Variants in CEP85L observed in about 807,000 individuals in gnomAD.
The protein encoded by CEP85L is centrosomal protein of 85 kDa-like.
A neutral mutation model predicts 100.3 loss-of-function variants in CEP85L; 60 were observed. The ratio of observed to expected loss-of-function variants is 0.60; its 90% CI spans 0.49 to 0.74. CEP85L has a LOEUF of 0.74. Among genes scored for constraint, CEP85L ranks in the 30% least tolerant of loss-of-function variants. CEP85L has a pLI of 0.00. For synonymous variants in CEP85L, 319 were observed against 322.7 expected (o/e 0.99, Z 0.12); for missense variants, 973 against 936.2 (o/e 1.04, Z -0.51).
At chr6:118,534,379 G>A (rs1018940498) in intron 3 of CEP85L, among the ~76,000 whole-genome samples, 1 of 152,140 alleles carries the variant, frequency 6.6e-6, no homozygotes, top group Non-Finnish European at 1.5e-5. Context: ...CTGGCCAGGT[G>A]CGGTGGCTCA....
At chr6:118,514,607 G>T (rs1776161829) in intron 4 of CEP85L, among the ~76,000 whole-genome samples, 1 of 151,744 alleles carries the variant, frequency 6.6e-6, no homozygotes, top group South Asian at 2.1e-4. Context: ...CATGTAAATG[G>T]TTTAGATACT....
chr6:118,618,059 G>C (rs899561875), intron 2 of CEP85L, among the ~76,000 whole-genome samples: 1 of 152,124 alleles, frequency 6.6e-6, no homozygotes, highest in African/African-American at 2.4e-5. Flanking sequence ...CCAGTTTTAA[G>C]TCTTTCACTT....
intron 1 of CEP85L, among the ~76,000 whole-genome samples, chr6:118,633,033 T>G (rs944463005): frequency 6.6e-6 from 1 of 152,240 alleles, no homozygotes; most frequent in South Asian, 2.1e-4. Context: ...AAATAGGATA[T>G]CCACATGGAA....
At chr6:118,604,619 A>C (rs555216432) in intron 2 of CEP85L, among the ~76,000 whole-genome samples, 1 of 152,358 alleles carries the variant, frequency 6.6e-6, no homozygotes, top group African/African-American at 2.4e-5. Flanking sequence ...GTTAGTAAGC[A>C]ATTTTAATTG....
chr6:118,534,330 G>C (rs1363634895), intron 3 of CEP85L, among the ~76,000 whole-genome samples: 1 of 152,014 alleles, frequency 6.6e-6, no homozygotes, highest in Non-Finnish European at 1.5e-5. Flanking sequence ...TTATGTGTAA[G>C]ATCTGTACAC....
rs534505607 is a variant in CEP85L, at chr6:118,497,164, G to A, written c.1258-5299C>T. On this transcript the variant is annotated intron_variant, in intron 5 of 12. Coordinates refer to ENST00000368491, the MANE Select transcript of CEP85L (RefSeq NM_001042475.3). ...AGAAGAGAATCAACTGCTTGAGACT[G>A]CAAATGACAGTGGTCTTAAAAGTAT... Among the ~76,000 whole-genome samples, 36 of 152,322 alleles carry A rather than the reference G, an allele frequency of 2.4e-4. No homozygotes were observed. In the South Asian group the frequency reaches 6.8e-3, roughly 29 times the overall value.
chr6:118,490,149 T>C (rs1362541153), intron 6 of CEP85L, among the ~76,000 whole-genome samples: 1 of 152,088 alleles, frequency 6.6e-6, no homozygotes, highest in Non-Finnish European at 1.5e-5. Context: ...TTATATGAGA[T>C]AAATGAAACA....
At chr6:118,519,669 G>C (rs974377388) in intron 4 of CEP85L, among the ~76,000 whole-genome samples, 1 of 150,288 alleles carries the variant, frequency 6.7e-6, no homozygotes, top group African/African-American at 2.4e-5. Context: ...ATAGCCCTAT[G>C]TATATTACAG....
intron 3 of CEP85L, among the ~76,000 whole-genome samples, chr6:118,557,099 C>T (rs1778924087): frequency 6.6e-6 from 1 of 152,110 alleles, no homozygotes. Flanking sequence ...CAGTACTTAA[C>T]ATCAAATCTT....
At chr6:118,669,789 T>G (rs542409197) in intron 1 of CEP85L, among the ~76,000 whole-genome samples, 1 of 151,828 alleles carries the variant, frequency 6.6e-6, no homozygotes, top group South Asian at 2.1e-4. Flanking sequence ...TAATTCCCTG[T>G]GGAGTTGGGG....
chr6:118,571,657 C>T (rs1779895750), intron 2 of CEP85L, among the ~76,000 whole-genome samples: 1 of 152,070 alleles, frequency 6.6e-6, no homozygotes, highest in Admixed American at 6.6e-5. Context: ...AAAAAGACCA[C>T]TCCCACCCTC....
chr6:118,594,574 A>T (rs767885039), intron 2 of CEP85L, among the ~76,000 whole-genome samples: 1 of 152,200 alleles, frequency 6.6e-6, no homozygotes, highest in East Asian at 1.9e-4. Context: ...ATTAAAAACT[A>T]TATTTAAGAA....
chr6:118,706,797 C>G (rs1777605725), intron 1 of CEP85L, among the ~76,000 whole-genome samples: 1 of 152,196 alleles, frequency 6.6e-6, no homozygotes, highest in Non-Finnish European at 1.5e-5. Context: ...ACTTTTCTCT[C>G]CAATCACAAT....
chr6:118,709,703 G>A (rs1026414000), intron 1 of CEP85L, among the ~76,000 whole-genome samples: 27 of 152,210 alleles, frequency 1.8e-4, no homozygotes, highest in Admixed American at 1.5e-3. Flanking sequence ...TAAATGCAGA[G>A]TAACAGTCAT....
At chr6:118,611,820 T>C (rs1359464292) in intron 2 of CEP85L, among the ~76,000 whole-genome samples, 1 of 152,186 alleles carries the variant, frequency 6.6e-6, no homozygotes, top group Non-Finnish European at 1.5e-5. Context: ...TCTAAATGTC[T>C]ACACACCAAA....
chr6:118,600,300 G>GGTGTGTGTGTGTGTGTGTGTGTGT (rs59278037), intron 2 of CEP85L, among the ~76,000 whole-genome samples: 7 of 52,246 alleles, frequency 1.3e-4, no homozygotes, highest in East Asian at 5.9e-4. Flanking sequence ...CCTTCCTGGG[G>GGTGTGTGTGTGTGTGTGTGTGTGT]GTGTGTGTGT....
chr6:118,641,638 G>C (rs1279306694), intron 1 of CEP85L, among the ~76,000 whole-genome samples: 1 of 152,030 alleles, frequency 6.6e-6, no homozygotes, highest in African/African-American at 2.4e-5. Flanking sequence ...AAGCAGATTT[G>C]CATATCGATA....
chr6:118,594,411 C>A (rs1481915444), intron 2 of CEP85L, among the ~76,000 whole-genome samples: 1 of 152,098 alleles, frequency 6.6e-6, no homozygotes, highest in Non-Finnish European at 1.5e-5. Context: ...TTTTTATCAG[C>A]CCCTATTTAA....
Position 118,464,153 on chromosome 6 carries a change from A to G in CEP85L, c.*1252T>C, listed in dbSNP as rs537054851. The G allele has an allele frequency of 2.6e-5, 4 of 152,320 alleles. No individual in the cohort carries two copies. The highest frequency in any genetic ancestry group is 9.6e-5 in the African/African-American group (4 of 41,592). 9.4% of individuals were successfully genotyped at this position (152,320 alleles called of 1,614,324 possible). A position where few individuals can be genotyped will look rare whatever the true frequency, so the allele number is the denominator to read the frequency against. On this transcript the variant is annotated 3_prime_UTR_variant, in exon 13 of 13. Transcript: ENST00000368491. ...AAACTAAGTATATTCAAAAGAACAT[A>G]ATCAATGCTGAAGGCAATAAAATGT...
Sources: allele counts gnomAD v4.1 joint callset (sites outside exome capture counted in the v4.1 genomes callset), GRCh38; gene constraint gnomAD v4.1.1; transcripts MANE v1.5; gene names NCBI Gene and HGNC (gene_info 2026-07-23, HGNC 2026-07-21).